The following C1orf21 variants were observed in gnomAD, a reference collection of about 807,000 sequenced individuals.
C1orf21 encodes chromosome 1 open reading frame 21.
C1orf21 carries 3 observed loss-of-function variants against 18.7 expected under a neutral mutation model. That is an observed-to-expected ratio of 0.16 (90% CI 0.07 to 0.42). C1orf21 has a LOEUF of 0.42. Ranked by LOEUF, C1orf21 falls within the 10% of genes least tolerant of loss-of-function variation. The pLI is 0.99. For synonymous variants in C1orf21, 41 were observed against 46.4 expected (o/e 0.88, Z 0.47); for missense variants, 104 against 143.6 (o/e 0.72, Z 1.41).
At chr1:184,581,315 C>T (rs1474313151) in intron 3 of C1orf21, among the ~76,000 whole-genome samples, 2 of 151,778 alleles carry the variant, frequency 1.3e-5, no homozygotes, top group African/African-American at 4.8e-5. Flanking sequence ...TAATCCCAGC[C>T]ACTCAGGAGG....
rs1000285775 is a variant in C1orf21 at position 184,394,639 on chromosome 1, C to T, written c.-125+7271C>T. On this transcript the variant is annotated intron_variant, in intron 1 of 5. Transcript: ENST00000235307. ...CCAGGTGTAAAGTAAGGAGATGCTG[C>T]GGGCTGCCAGGCTGTGATTTGCAGG... is the stretch of plus-strand genomic sequence containing the variant. 3.9e-5 allele frequency among the ~76,000 whole-genome samples: 6 copies of T among 152,130 alleles called. No individual in the cohort carries two copies. In the East Asian group the frequency reaches 7.7e-4, roughly 20 times the overall value.
At chr1:184,433,199 G>C (rs984719693) in intron 1 of C1orf21, among the ~76,000 whole-genome samples, 1 of 152,162 alleles carries the variant, frequency 6.6e-6, no homozygotes, top group Non-Finnish European at 1.5e-5. Context: ...GTGCAGAGTG[G>C]TAGAGTCCTT....
chr1:184,490,361 G>A (rs1657798944), intron 2 of C1orf21, among the ~76,000 whole-genome samples: 1 of 152,232 alleles, frequency 6.6e-6, no homozygotes, highest in South Asian at 2.1e-4. Flanking sequence ...TTTCCAAGGA[G>A]TGGGGGAAGA....
intron 3 of C1orf21, among the ~76,000 whole-genome samples, chr1:184,549,958 C>G (rs1022473883): frequency 1.1e-4 from 16 of 152,122 alleles, no homozygotes; most frequent in African/African-American, 3.9e-4. Context: ...TTCTGTTTTT[C>G]ACATTCAGCA....
chr1:184,490,680 AGGT>A (rs1188122761), intron 2 of C1orf21, among the ~76,000 whole-genome samples: 1 of 152,206 alleles, frequency 6.6e-6, no homozygotes, highest in African/African-American at 2.4e-5. Flanking sequence ...ATTGGCAGTT[AGGT>A]GAAGATTTAG....
chr1:184,474,745 C>CCT (rs2101989444), intron 1 of C1orf21, among the ~76,000 whole-genome samples: 1 of 152,284 alleles, frequency 6.6e-6, no homozygotes, highest in South Asian at 2.1e-4. Context: ...TTAGTTTATT[C>CCT]TGAAGAGGTG....
Position 184,624,547 on chromosome 1 carries a change from T to C in C1orf21, c.*4991T>C, listed in dbSNP as rs980904796. ...TTAAAAGTCTTGACCTTCATGGGGG[T>C]CTGGGACAATCCGATCTCCAAGCAT... is the stretch of plus-strand genomic sequence containing the variant. On this transcript the variant is annotated 3_prime_UTR_variant, in exon 6 of 6. Transcript: ENST00000235307. 1.1e-4 allele frequency: 16 copies of C among 152,104 alleles called. No homozygotes were observed. Among genetic ancestry groups the C allele is most frequent in the African/African-American group, 3.6e-4 (15 of 41,398 alleles). The allele number at this position is 152,104 out of a possible 1,614,324, so 9.4% of individuals were successfully genotyped here. A position where few individuals can be genotyped will look rare whatever the true frequency, so the allele number is the denominator to read the frequency against.
intron 3 of C1orf21, among the ~76,000 whole-genome samples, chr1:184,571,002 G>C (rs954038262): frequency 6.6e-6 from 1 of 152,132 alleles, no homozygotes; most frequent in African/African-American, 2.4e-5. Flanking sequence ...GCATAGAAAA[G>C]GTACGGTAAG....
chr1:184,622,442 T>A lies in C1orf21; in HGVS notation c.*2886T>A, dbSNP rs1355157789. On this transcript the variant is annotated 3_prime_UTR_variant, in exon 6 of 6. Coordinates refer to ENST00000235307, the MANE Select transcript of C1orf21 (RefSeq NM_030806.4). ...TTGTAGAGTTGTAAAAGTTCAGCAGTGTGTGCACAGCTTTCTTTTGGTTGG... is the reference window on the plus strand; with the variant it reads ...TTGTAGAGTTGTAAAAGTTCAGCAGAGTGTGCACAGCTTTCTTTTGGTTGG... 6.5e-6 allele frequency: 1 copy of A among 152,672 alleles called. No individual in the cohort carries two copies. The highest frequency in any genetic ancestry group is 1.5e-5 in the Non-Finnish European group (1 of 68,066). 9.5% of individuals were successfully genotyped at this position (152,672 alleles called of 1,614,324 possible).
chr1:184,527,273 T>A (rs1658391455), intron 3 of C1orf21, among the ~76,000 whole-genome samples: 1 of 152,188 alleles, frequency 6.6e-6, no homozygotes, highest in Non-Finnish European at 1.5e-5. Context: ...GTGGCAGCTA[T>A]GCTTAGAACA....
chr1:184,452,819 T>C (rs932145796), intron 1 of C1orf21, among the ~76,000 whole-genome samples: 3 of 152,194 alleles, frequency 2.0e-5, no homozygotes, highest in Non-Finnish European at 4.4e-5. Context: ...GAGCTCTCTC[T>C]GTCTTTCTTG....
intron 1 of C1orf21, among the ~76,000 whole-genome samples, chr1:184,416,034 G>C (rs1274048092): frequency 2.0e-5 from 3 of 152,108 alleles, no homozygotes; most frequent in Non-Finnish European, 4.4e-5. Flanking sequence ...ACAGTCCTAG[G>C]CAAAAAGGAT....
chr1:184,526,590 T>G (rs1658380668), intron 3 of C1orf21, among the ~76,000 whole-genome samples: 1 of 152,172 alleles, frequency 6.6e-6, no homozygotes, highest in Non-Finnish European at 1.5e-5. Flanking sequence ...TGAGAATTGT[T>G]TGACAACTTT....
rs1659923342 is a variant in C1orf21 at position 184,621,973 on chromosome 1, A to C, written c.*2417A>C. 1 of 152,236 alleles carries C rather than the reference A, an allele frequency of 6.6e-6. No homozygotes were observed. The highest frequency in any genetic ancestry group is 2.1e-4 in the South Asian group (1 of 4,830). The allele number at this position is 152,236 out of a possible 1,614,324, so 9.4% of individuals were successfully genotyped here. ...GCACGAAATGCTTGATTATGTCAGC[A>C]ACACCCAACACTGTCTGTTTTCCAT... On this transcript the variant is annotated 3_prime_UTR_variant, in exon 6 of 6. Transcript: ENST00000235307.
chr1:184,463,827 A>T (rs74131687), intron 1 of C1orf21, among the ~76,000 whole-genome samples: 1,710 of 152,342 alleles, frequency 0.011, 31 homozygotes, highest in African/African-American at 0.039. Flanking sequence ...AGCAACATGG[A>T]TAGGTGAGGA....
intron 5 of C1orf21, among the ~76,000 whole-genome samples, chr1:184,603,680 A>C (rs1659614001): frequency 6.6e-6 from 1 of 152,164 alleles, no homozygotes; most frequent in South Asian, 2.1e-4. Flanking sequence ...CTATAATCCC[A>C]GCTACTCGGG....
chr1:184,446,323 T>G (rs1240082625), intron 1 of C1orf21, among the ~76,000 whole-genome samples: 4 of 152,168 alleles, frequency 2.6e-5, no homozygotes, highest in Non-Finnish European at 4.4e-5. Flanking sequence ...CCTTTTCCTA[T>G]TCTTCAGCCT....
chr1:184,500,175 G>A (rs1657952286), intron 2 of C1orf21, among the ~76,000 whole-genome samples: 1 of 152,150 alleles, frequency 6.6e-6, no homozygotes, highest in Non-Finnish European at 1.5e-5. Flanking sequence ...TTGGTTTGCA[G>A]TGCACCTTCC....
At chr1:184,503,383 C>T (rs1402121646) in intron 2 of C1orf21, among the ~76,000 whole-genome samples, 2 of 151,942 alleles carry the variant, frequency 1.3e-5, no homozygotes, top group Non-Finnish European at 2.9e-5. Context: ...TGTAAGTTTA[C>T]TCCAAATTTA....
Sources: gnomAD v4.1 joint callset for allele counts (sites outside exome capture counted in the v4.1 genomes callset) on GRCh38, gnomAD v4.1.1 for gene constraint, MANE v1.5 for transcripts, NCBI Gene and HGNC (gene_info 2026-07-23, HGNC 2026-07-21) for gene names.